Variants in MLLT1 observed in about 807,000 individuals in gnomAD.
MLLT1 encodes MLLT1 super elongation complex subunit.
In MLLT1, 11 loss-of-function variants were observed where a neutral mutation model predicts 55.1. That is an observed-to-expected ratio of 0.20 (90% CI 0.13 to 0.33). The LOEUF is 0.33. Among genes scored for constraint, MLLT1 ranks in the 10% least tolerant of loss-of-function variants. The pLI, the probability that MLLT1 is intolerant of heterozygous loss-of-function variation, is 1.00. For missense variants in MLLT1, 536 were observed against 760.6 expected, an observed-to-expected ratio of 0.70 and a Z score of 3.47; for synonymous variants, 323 against 320.1, an observed-to-expected ratio of 1.01 and a Z score of -0.10.
Position 6,230,449 on chromosome 19 carries a change from G to A in MLLT1, c.420+121C>T, listed in dbSNP as rs1600184182. 9.7e-6 allele frequency: 12 copies of A among 1,241,308 alleles called. No homozygotes were observed. The highest frequency in any genetic ancestry group is 2.8e-5 in the South Asian group (2 of 71,154). The allele number at this position is 1,241,308 out of a possible 1,614,324, so 76.9% of individuals were successfully genotyped here. A position where few individuals can be genotyped will look rare whatever the true frequency, so the allele number is the denominator to read the frequency against. On this transcript the variant is annotated intron_variant, in intron 4 of 11. Coordinates refer to ENST00000252674, the MANE Select transcript of MLLT1 (RefSeq NM_005934.4). The surrounding 1 kb of genome is among the most constrained non-coding windows in gnomAD (Gnocchi z 9.0). The stretch of plus-strand genomic sequence containing the variant: ...CCCTCCAGCTCTGCTGGGTGCTGCC[G>A]TGTGACCTGCGCCTTGGGTCTCGGC...
chr19:6,245,183 A>AT (rs1004736720), intron 3 of MLLT1, among the ~76,000 whole-genome samples: 2 of 151,778 alleles, frequency 1.3e-5, no homozygotes, highest in Non-Finnish European at 2.9e-5. Flanking sequence ...ACAAAAAAAA[A>AT]TTTTTTTAAA....
intron 3 of MLLT1, among the ~76,000 whole-genome samples, chr19:6,253,001 C>A (rs559252706): frequency 2.0e-5 from 3 of 151,898 alleles, no homozygotes; most frequent in Admixed American, 6.6e-5. Flanking sequence ...TGGTGGCTCA[C>A]GACTGTAATC....
chr19:6,217,267 C>A (rs2090854393), intron 7 of MLLT1, among the ~76,000 whole-genome samples: 1 of 152,184 alleles, frequency 6.6e-6, no homozygotes, highest in Non-Finnish European at 1.5e-5. Flanking sequence ...TCCCCCAGCC[C>A]CCCTGCAAAG....
intron 1 of MLLT1, among the ~76,000 whole-genome samples, chr19:6,279,013 G>A (rs2091442870): frequency 6.6e-6 from 1 of 152,192 alleles, no homozygotes; most frequent in South Asian, 2.1e-4. Context: ...CTCAGGCCAG[G>A]GCTGGGGTTG....
Position 6,219,149 on chromosome 19 carries a change from C to T in MLLT1, c.1111-1108G>A, listed in dbSNP as rs1239261956. ...CCTCCACCCTGCAGAAGGGTCCCCA[C>T]GAAAGCCCAAGGCCTCCCCAAGCAG... is the stretch of plus-strand genomic sequence containing the variant. On this transcript the variant is annotated intron_variant, in intron 6 of 11. Coordinates refer to ENST00000252674, the MANE Select transcript of MLLT1 (RefSeq NM_005934.4). The surrounding 1 kb of genome is among the most constrained non-coding windows in gnomAD (Gnocchi z 4.5). 1.3e-5 allele frequency among the ~76,000 whole-genome samples: 2 copies of T among 152,176 alleles called. No individual in the cohort carries two copies. Among genetic ancestry groups the T allele is most frequent in the Admixed American group, 1.3e-4 (2 of 15,286 alleles).
chr19:6,237,518 G>A (rs897475849), intron 3 of MLLT1, among the ~76,000 whole-genome samples: 2 of 151,772 alleles, frequency 1.3e-5, no homozygotes, highest in Non-Finnish European at 2.9e-5. Flanking sequence ...ATCACTTTGG[G>A]AGGCCGAGGC....
intron 1 of MLLT1, among the ~76,000 whole-genome samples, chr19:6,272,570 C>A (rs2091404078): frequency 6.6e-6 from 1 of 152,244 alleles, no homozygotes; most frequent in African/African-American, 2.4e-5. Flanking sequence ...CACGGGAGCC[C>A]CTTCATCCCA....
At position 6,226,386 on chromosome 19, in the gene MLLT1, T is replaced by G. The variant is rs780642527; in HGVS notation, c.546+591A>C. Among the ~76,000 whole-genome samples, 15 of 152,172 alleles carry G rather than the reference T, an allele frequency of 9.9e-5. No individual in the cohort carries two copies. Among genetic ancestry groups the G allele is most frequent in the Non-Finnish European group, 1.9e-4 (13 of 68,020 alleles). On this transcript the variant is annotated intron_variant, in intron 5 of 11. Transcript: ENST00000252674. The surrounding 1 kb of genome is among the most constrained non-coding windows in gnomAD (Gnocchi z 6.3). Reference sequence around the variant, plus strand: ...TCTGAATTGCTGCTCAGGGATGGTTTAGAGAGAGAAGCCTCAGAAAGGCCG... The same window carrying G: ...TCTGAATTGCTGCTCAGGGATGGTTGAGAGAGAGAAGCCTCAGAAAGGCCG...
At chr19:6,274,070 C>A (rs2091414832) in intron 1 of MLLT1, among the ~76,000 whole-genome samples, 1 of 152,248 alleles carries the variant, frequency 6.6e-6, no homozygotes, top group Non-Finnish European at 1.5e-5. Flanking sequence ...GCCCTGGGGG[C>A]TGGCGCCAAC....
chr19:6,246,064 G>T (rs1199172655), intron 3 of MLLT1, among the ~76,000 whole-genome samples: 2 of 148,400 alleles, frequency 1.3e-5, no homozygotes, highest in South Asian at 2.1e-4. Flanking sequence ...GGCAATAAGA[G>T]CAAAACTCCA....
At chr19:6,241,582 C>T (rs1014366157) in intron 3 of MLLT1, among the ~76,000 whole-genome samples, 5 of 152,254 alleles carry the variant, frequency 3.3e-5, no homozygotes, top group African/African-American at 1.2e-4. Context: ...GCCGTCCCAC[C>T]GTCCCAGCCT....
At chr19:6,241,621 G>T (rs550345849) in intron 3 of MLLT1, among the ~76,000 whole-genome samples, 1 of 152,208 alleles carries the variant, frequency 6.6e-6, no homozygotes, top group Non-Finnish European at 1.5e-5. Context: ...CGTGGCGGGC[G>T]CAGGGTTGCG....
rs891017276 is a variant in MLLT1, at chr19:6,240,422, G to A, written c.277-9709C>T. Among the ~76,000 whole-genome samples, 3 of 152,342 alleles carry A rather than the reference G, an allele frequency of 2.0e-5. No homozygotes were observed. The highest frequency in any genetic ancestry group is 4.4e-5 in the Non-Finnish European group (3 of 68,030). On this transcript the variant is annotated intron_variant, in intron 3 of 11. Transcript: ENST00000252674. This position sits in a 1 kb window ranked among gnomAD's most constrained non-coding sequence, Gnocchi z 4.7. ...GAGCTCGACAGACACAGCAGGTGAC[G>A]CAGAGGGCGGGCTCCAAGCGGAGCT...
intron 3 of MLLT1, among the ~76,000 whole-genome samples, chr19:6,258,253 C>A (rs919678892): frequency 6.6e-6 from 1 of 152,182 alleles, no homozygotes; most frequent in Non-Finnish European, 1.5e-5. Context: ...AAACGTCTAT[C>A]CACAGATGAA....
intron 7 of MLLT1, among the ~76,000 whole-genome samples, chr19:6,217,561 G>A (rs865954019): frequency 1.3e-5 from 2 of 152,248 alleles, no homozygotes; most frequent in African/African-American, 4.8e-5. Flanking sequence ...GACCCCGGCC[G>A]TCCACAGGCA....
intron 3 of MLLT1, among the ~76,000 whole-genome samples, chr19:6,258,756 C>T (rs1217820977): frequency 6.6e-6 from 1 of 152,196 alleles, no homozygotes; most frequent in Non-Finnish European, 1.5e-5. Context: ...CTTTTCTGCT[C>T]CGGTCTTAGA....
rs1395933020 is a variant in MLLT1, at chr19:6,248,289, A to G, written c.276+13939T>C. On this transcript the variant is annotated intron_variant, in intron 3 of 11. Transcript: ENST00000252674. ...CAAAACAGGTTATCTGCACAGCTTC[A>G]AAGTATCTCTCCCAAAATGGGTATT... Among the ~76,000 whole-genome samples the G allele has an allele frequency of 2.6e-5, 4 of 152,344 alleles. 1 individual carries two copies. Among genetic ancestry groups the G allele is most frequent in the Admixed American group, 2.0e-4 (3 of 15,308 alleles).
chr19:6,225,959 G>A (rs918354926), intron 5 of MLLT1, among the ~76,000 whole-genome samples: 1 of 152,256 alleles, frequency 6.6e-6, no homozygotes, highest in African/African-American at 2.4e-5. Flanking sequence ...GAGGCCGAGT[G>A]GGGAGACCCC....
chr19:6,222,522 G>A lies in MLLT1; in HGVS notation c.709C>T (p.Arg237Trp), dbSNP rs934481011. Reference protein sequence around the residue: ...KDTSRKLGEGRLPKEEKAPPP... With the variant: ...KDTSRKLGEGWLPKEEKAPPP... ...GGCGCCTTCTCCTCCTTGGGCAGCC[G>A]GCCCTCGCCCAGCTTCCGCGAGGTG... Residue 237 changes from arginine (R) to tryptophan (W), a missense_variant, in exon 6 of 12, where the codon CGG becomes TGG. Physicochemically the swap from Arg to Trp is moderately radical, Grantham distance 101. This residue lies in a region of MLLT1 where 449 missense variants were observed against 489.0 expected (regional missense o/e 0.92). Coordinates refer to ENST00000252674, the MANE Select transcript of MLLT1 (RefSeq NM_005934.4). This position sits in a 1 kb window ranked among gnomAD's most constrained non-coding sequence, Gnocchi z 4.1. The A allele has an allele frequency of 1.9e-5, 31 of 1,599,908 alleles. No individual in the cohort carries two copies. The highest frequency in any genetic ancestry group is 1.7e-4 in the Middle Eastern group (1 of 6,016).
Sources: allele counts gnomAD v4.1 joint callset (sites outside exome capture counted in the v4.1 genomes callset), GRCh38; gene constraint gnomAD v4.1.1; regional missense constraint gnomAD v4.1.1; non-coding constraint Gnocchi (gnomAD v3.1); transcripts MANE v1.5; gene names NCBI Gene and HGNC (gene_info 2026-07-23, HGNC 2026-07-21).